Variants in TBCD observed in about 807,000 individuals in gnomAD.
TBCD encodes tubulin-specific chaperone D.
Under a neutral mutation model 169.3 loss-of-function variants are expected in TBCD, and 105 were observed. That is an observed-to-expected ratio of 0.62 (90% CI 0.53 to 0.73). The LOEUF is 0.73. Among genes scored for constraint, TBCD ranks in the 30% least tolerant of loss-of-function variants. The pLI is 0.00. For synonymous variants in TBCD, 700 were observed against 643.9 expected (o/e 1.09, Z -1.32); for missense variants, 1,444 against 1,600.1 (o/e 0.90, Z 1.66).
intron 21 of TBCD, 46 bp from the exon 22 acceptor site, chr17:82,909,239 T>C: frequency 7.2e-7 from 1 of 1,395,822 alleles, no homozygotes; most frequent in South Asian, 1.3e-5. Context: ...ATACGTATTA[T>C]TTTAAAATTT....
chr17:82,784,301 A>G (rs1469450935), intron 7 of TBCD, among the ~76,000 whole-genome samples: 2 of 152,188 alleles, frequency 1.3e-5, no homozygotes, highest in Non-Finnish European at 2.9e-5. Context: ...GGACCTCCTC[A>G]TGCCAGGCAT....
At chr17:82,839,561 C>G (rs1464617046) in intron 13 of TBCD, among the ~76,000 whole-genome samples, 1 of 152,200 alleles carries the variant, frequency 6.6e-6, no homozygotes, top group Non-Finnish European at 1.5e-5. Flanking sequence ...ACATACACCA[C>G]ACATATATAT....
intron 13 of TBCD, among the ~76,000 whole-genome samples, chr17:82,829,090 A>G (rs555881758): frequency 5.3e-4 from 78 of 146,146 alleles, no homozygotes; most frequent in African/African-American, 1.8e-3. Context: ...GCACACCCAC[A>G]CAATTGAATG....
chr17:82,805,372 T>C (rs1030799058), intron 9 of TBCD, among the ~76,000 whole-genome samples: 1 of 152,130 alleles, frequency 6.6e-6, no homozygotes, highest in African/African-American at 2.4e-5. Context: ...GTTCCCCATG[T>C]GGGTGTGAAG....
chr17:82,752,409 C>A (rs1413448174), intron 1 of TBCD, 32 bp downstream of exon 1: 2 of 1,204,600 alleles, frequency 1.7e-6, no homozygotes, highest in Non-Finnish European at 2.1e-6. Context: ...CCCGCTTCCT[C>A]CCCCGGCCCG....
At chr17:82,802,535 C>A (rs1329387886) in intron 9 of TBCD, among the ~76,000 whole-genome samples, 1 of 152,216 alleles carries the variant, frequency 6.6e-6, no homozygotes, top group Non-Finnish European at 1.5e-5. Context: ...AGGCTGTGAG[C>A]TGGAGACCAG....
In TBCD at chr17:82,797,739, C is replaced by CTT. The variant is rs36020328; in HGVS notation, c.772-4_772-3dup. On this transcript the variant is annotated splice_polypyrimidine_tract_variant and intron_variant, in intron 7 of 38. Coordinates refer to ENST00000355528, the MANE Select transcript of TBCD (RefSeq NM_005993.5). ...TATTTGTATTTGTAACATTAAAAAT[C>CTT]TTTTTTTTTTTTTTTAGGCACAAAT... 20,570 of 1,321,290 alleles carry CTT rather than the reference C, an allele frequency of 0.016. 1 individual carries two copies. The highest frequency in any genetic ancestry group is 0.017 in the Non-Finnish European group (16,631 of 981,484). 81.8% of individuals were successfully genotyped at this position (1,321,290 alleles called of 1,614,324 possible).
At chr17:82,817,498 T>C (rs2052021627) in intron 13 of TBCD, among the ~76,000 whole-genome samples, 1 of 152,174 alleles carries the variant, frequency 6.6e-6, no homozygotes, top group Non-Finnish European at 1.5e-5. Context: ...GGTTTTCCCA[T>C]GTTGTCCGGG....
chr17:82,834,069 C>T (rs1025087981), intron 13 of TBCD, among the ~76,000 whole-genome samples: 6 of 152,156 alleles, frequency 3.9e-5, no homozygotes, highest in Non-Finnish European at 7.4e-5. Context: ...CTCAGCCTCC[C>T]GAGTAGCTGG....
chr17:82,818,240 A>G (rs2052104202), intron 13 of TBCD, among the ~76,000 whole-genome samples: 1 of 152,232 alleles, frequency 6.6e-6, no homozygotes, highest in Non-Finnish European at 1.5e-5. Flanking sequence ...GGTGCCCTCC[A>G]TGTGAGCTGA....
chr17:82,938,212 C>T (rs2062799252), intron 36 of TBCD, 76 bp downstream of exon 36: 1 of 1,470,666 alleles, frequency 6.8e-7, no homozygotes, highest in Non-Finnish European at 9.3e-7. Context: ...CCTTCGCTGG[C>T]ACTGTTGTGT....
Position 82,840,953 on chromosome 17 carries a change from G to GTTTTTTTTTTTTTTTTTTTTTTTTTT in TBCD, c.1318+26019_1318+26020insTTTTTTTTTTTTTTTTTTTTTTTTTT, listed in dbSNP as rs755302623. On this transcript the variant is annotated intron_variant, in intron 13 of 38. Transcript: ENST00000355528. ...ACGAGCTGGCCAGGACAGACAAACT[G>GTTTTTTTTTTTTTTTTTTTTTTTTTT]GTTTTTTTTTTTTTTTTTTTTTTTT... 2.7e-4 allele frequency among the ~76,000 whole-genome samples: 19 copies of GTTTTTTTTTTTTTTTTTTTTTTTTTT among 70,554 alleles called. 9 individuals are homozygous for GTTTTTTTTTTTTTTTTTTTTTTTTTT. The highest frequency in any genetic ancestry group is 5.0e-4 in the African/African-American group (9 of 17,982). The allele number at this position is 70,554 out of a possible 152,430, so 46.3% of individuals were successfully genotyped here.
chr17:82,830,177 C>A, intron 13 of TBCD: 1 of 1,614,202 alleles, frequency 6.2e-7, no homozygotes, highest in South Asian at 1.1e-5. Flanking sequence ...AGTGTGAACA[C>A]TCTGGCCGTG....
In TBCD at chr17:82,887,168, T is replaced by TGTGTGTGTGTGTGCGC; in HGVS notation, c.1534-2499_1534-2498insTGTGTGTGTGTGCGCG. ...GTGTGTGTGTGTGTGTGTGTGTGTG[T>TGTGTGTGTGTGTGCGC]GCGCGCGCGCGCACGTGCGCTCACG... On this transcript the variant is annotated intron_variant, in intron 15 of 38. Coordinates refer to ENST00000355528, the MANE Select transcript of TBCD (RefSeq NM_005993.5). Among the ~76,000 whole-genome samples the TGTGTGTGTGTGTGCGC allele has an allele frequency of 1.8e-3, 221 of 126,158 alleles. 2 individuals carry two copies. Among genetic ancestry groups the TGTGTGTGTGTGTGCGC allele is most frequent in the South Asian group, 2.4e-3 (8 of 3,400 alleles). 82.8% of individuals were successfully genotyped at this position (126,158 alleles called of 152,430 possible).
In TBCD at chr17:82,759,893, T is replaced by G. The variant is rs1463822794; in HGVS notation, c.235+3678T>G. Among the ~76,000 whole-genome samples, 30 of 148,812 alleles carry G rather than the reference T, an allele frequency of 2.0e-4. No homozygotes were observed. The East Asian group carries it at 3.1e-3, about 15-fold the overall frequency. ...CTGGGTCATTTCGTTTGTTTGTTTT[T>G]TTTTTTTTTTTGAGATGGAGTCTCG... On this transcript the variant is annotated intron_variant, in intron 2 of 38. Coordinates refer to ENST00000355528, the MANE Select transcript of TBCD (RefSeq NM_005993.5).
chr17:82,930,279 G>A lies in TBCD; in HGVS notation c.2992-243G>A, dbSNP rs772824320. On this transcript the variant is annotated intron_variant, in intron 32 of 38. Coordinates refer to ENST00000355528, the MANE Select transcript of TBCD (RefSeq NM_005993.5). This position sits in a 1 kb window ranked among gnomAD's most constrained non-coding sequence, Gnocchi z 5.2. ...GCAGCCTTTCGTCACGTGCTCTCCC[G>A]CATGTCCTAAGTGAGGGCTCAGGCT... The A allele has an allele frequency of 7.9e-5, 42 of 532,300 alleles. No homozygotes were observed. The highest frequency in any genetic ancestry group is 1.2e-4 in the Non-Finnish European group (36 of 302,090). The allele number at this position is 532,300 out of a possible 1,614,324, so 33.0% of individuals were successfully genotyped here. A position where few individuals can be genotyped will look rare whatever the true frequency, so the allele number is the denominator to read the frequency against.
intron 23 of TBCD, 42 bp downstream of exon 23, chr17:82,911,831 G>A (rs780432608): frequency 2.4e-5 from 38 of 1,609,708 alleles, no homozygotes; most frequent in Non-Finnish European, 1.8e-5. Context: ...GCCCTTTGCC[G>A]CAGCCATCGT....
chr17:82,887,795 T>C (rs1274953056), intron 15 of TBCD, among the ~76,000 whole-genome samples: 2 of 152,214 alleles, frequency 1.3e-5, no homozygotes, highest in South Asian at 4.1e-4. Context: ...TTGACAGGCA[T>C]GTGGTGATAC....
At chr17:82,828,407 C>T (rs1318869861) in intron 13 of TBCD, among the ~76,000 whole-genome samples, 2 of 142,866 alleles carry the variant, frequency 1.4e-5, no homozygotes, top group Non-Finnish European at 3.0e-5. Flanking sequence ...CAATCGAATG[C>T]ACACACACCC....
Sources: allele counts gnomAD v4.1 joint callset (sites outside exome capture counted in the v4.1 genomes callset), GRCh38; gene constraint gnomAD v4.1.1; non-coding constraint Gnocchi (gnomAD v3.1); transcripts MANE v1.5; gene names NCBI Gene and HGNC (gene_info 2026-07-23, HGNC 2026-07-21).